Variants in PLA2G7 observed in about 807,000 individuals in gnomAD.
PLA2G7 encodes the protein phospholipase A2 group VII.
Under a neutral mutation model 49.6 loss-of-function variants are expected in PLA2G7, and 63 were observed. That is an observed-to-expected ratio of 1.27 (90% CI 1.04 to 1.57). PLA2G7 has a LOEUF of 1.57. Ranked by LOEUF, PLA2G7 falls within the 40% of genes most tolerant of loss-of-function variation. The pLI, the probability that PLA2G7 is intolerant of heterozygous loss-of-function variation, is 0.00. For synonymous variants in PLA2G7, 193 were observed against 169.9 expected, an observed-to-expected ratio of 1.14 and a Z score of -1.06; for missense variants, 596 against 521.2, an observed-to-expected ratio of 1.14 and a Z score of -1.40.
At chr6:46,714,653 A>G in intron 4 of PLA2G7, 100 bp from the exon 5 acceptor site, 2 of 775,858 alleles carry the variant, frequency 2.6e-6, no homozygotes, top group Middle Eastern at 2.3e-4. Context: ...CATCTGATTT[A>G]TATCTACTTT....
At chr6:46,733,157 T>C (rs1227601738) in intron 1 of PLA2G7, among the ~76,000 whole-genome samples, 1 of 152,220 alleles carries the variant, frequency 6.6e-6, no homozygotes, top group African/African-American at 2.4e-5. Context: ...TTTCTTAATG[T>C]TCTGTGCTGA....
At chr6:46,724,813 T>C (rs1266977700) in intron 1 of PLA2G7, among the ~76,000 whole-genome samples, 1 of 152,270 alleles carries the variant, frequency 6.6e-6, no homozygotes, top group African/African-American at 2.4e-5. Context: ...CTTTGCTGTG[T>C]TAAGCCACTG....
Position 46,717,216 on chromosome 6 carries a change from A to G in PLA2G7, c.110-120T>C, listed in dbSNP as rs1029873585. On this transcript the variant is annotated intron_variant, in intron 2 of 11. Transcript: ENST00000274793. ...AGTTTCTGGCCTTCTTTCTTTCTCA[A>G]CCTAACAAGTAAGATATGCAATTAT... 3 of 887,944 alleles carry G rather than the reference A, an allele frequency of 3.4e-6. No individual in the cohort carries two copies. The African/African-American group carries it at 4.9e-5, about 15-fold the overall frequency. 55.0% of individuals were successfully genotyped at this position (887,944 alleles called of 1,614,324 possible).
chr6:46,722,548 T>C (rs1034741827), intron 2 of PLA2G7, among the ~76,000 whole-genome samples: 3 of 152,180 alleles, frequency 2.0e-5, no homozygotes, highest in African/African-American at 7.2e-5. Flanking sequence ...TATCTTAAAA[T>C]GTCCCATCCT....
At chr6:46,731,811 GCAAT>G (rs1191470398) in intron 1 of PLA2G7, among the ~76,000 whole-genome samples, 2 of 152,140 alleles carry the variant, frequency 1.3e-5, no homozygotes, top group Non-Finnish European at 2.9e-5. Context: ...ACCAGGTATA[GCAAT>G]CTCATTCCCA....
intron 10 of PLA2G7, among the ~76,000 whole-genome samples, chr6:46,707,457 T>C (rs189175425): frequency 6.6e-6 from 1 of 152,298 alleles, no homozygotes; most frequent in East Asian, 1.9e-4. Flanking sequence ...GATTGGATCA[T>C]GGGAGCAGTT....
intron 4 of PLA2G7, among the ~76,000 whole-genome samples, chr6:46,715,997 G>A (rs1297767662): frequency 1.3e-5 from 2 of 152,332 alleles, no homozygotes; most frequent in East Asian, 3.9e-4. Flanking sequence ...TGGATCTGGA[G>A]AGTTTGATGG....
intron 2 of PLA2G7, among the ~76,000 whole-genome samples, chr6:46,717,957 C>T (rs762930250): frequency 1.2e-4 from 18 of 152,142 alleles, no homozygotes; most frequent in Non-Finnish European, 1.9e-4. Flanking sequence ...ACCTCGTGAT[C>T]CGCCCACCTC....
At chr6:46,710,729 A>T (rs1764988077) in intron 7 of PLA2G7, 71 bp from the exon 8 acceptor site, 1 of 1,227,106 alleles carries the variant, frequency 8.1e-7, no homozygotes, top group South Asian at 1.2e-5. Flanking sequence ...GTTTAGGTAG[A>T]AGCTGTATTT....
chr6:46,733,030 T>C lies in PLA2G7; in HGVS notation c.-35+2150A>G, dbSNP rs368716016. ...GAGTGTAAATAATCCAATATCCACC[T>C]TCCTTTCCAGGAAATAGCCATCTTC... On this transcript the variant is annotated intron_variant, in intron 1 of 11. Coordinates refer to ENST00000274793, the MANE Select transcript of PLA2G7 (RefSeq NM_005084.4). Among the ~76,000 whole-genome samples the C allele has an allele frequency of 6.6e-5, 10 of 152,294 alleles. No homozygotes were observed. In the East Asian group the frequency reaches 1.9e-3, roughly 29 times the overall value.
chr6:46,724,035 G>A (rs1765491963), intron 1 of PLA2G7, among the ~76,000 whole-genome samples: 1 of 152,028 alleles, frequency 6.6e-6, no homozygotes, highest in Non-Finnish European at 1.5e-5. Flanking sequence ...TCCCTTTTAT[G>A]GGAATGCTCT....
chr6:46,728,865 TG>T (rs1765648090), intron 1 of PLA2G7, among the ~76,000 whole-genome samples: 1 of 152,144 alleles, frequency 6.6e-6, no homozygotes, highest in South Asian at 2.1e-4. Context: ...AGTAATAAAG[TG>T]GTTTAGAAAT....
chr6:46,728,033 A>C (rs1765622647), intron 1 of PLA2G7, among the ~76,000 whole-genome samples: 1 of 152,258 alleles, frequency 6.6e-6, no homozygotes, highest in Non-Finnish European at 1.5e-5. Flanking sequence ...AATATGGAGC[A>C]TATAAAGTAA....
In PLA2G7 at chr6:46,714,442, C is replaced by A; in HGVS notation, c.470+18G>T. The A allele has an allele frequency of 6.6e-7, 1 of 1,514,376 alleles. No individual in the cohort carries two copies. Among genetic ancestry groups the A allele is most frequent in the Non-Finnish European group, 9.2e-7 (1 of 1,089,214 alleles). 93.8% of individuals were successfully genotyped at this position (1,514,376 alleles called of 1,614,324 possible). On this transcript the variant is annotated intron_variant, in intron 5 of 11. Transcript: ENST00000274793. ...TTTATTCCTGGAAGCCAAAATTGTT[C>A]AACCTCTCAAACATTACCTGAATGC...
At chr6:46,733,589 CAGTGCCCA>C (rs1765799750) in intron 1 of PLA2G7, among the ~76,000 whole-genome samples, 1 of 152,234 alleles carries the variant, frequency 6.6e-6, no homozygotes, top group African/African-American at 2.4e-5. Context: ...AAAGCACTTT[CAGTGCCCA>C]AGTGCAAGGA....
intron 1 of PLA2G7, among the ~76,000 whole-genome samples, chr6:46,725,802 C>T (rs528199292): frequency 1.2e-4 from 18 of 152,170 alleles, no homozygotes; most frequent in African/African-American, 3.1e-4. Context: ...TTTCTAGGCT[C>T]GAATACATGC....
At chr6:46,709,478 T>C (rs533644667) in intron 8 of PLA2G7, 60 bp from the exon 9 acceptor site, 2 of 927,214 alleles carry the variant, frequency 2.2e-6, no homozygotes, top group Non-Finnish European at 3.6e-6. Flanking sequence ...AGAAATGATT[T>C]TGTCAATCAT....
At chr6:46,725,697 T>C (rs1388833167) in intron 1 of PLA2G7, among the ~76,000 whole-genome samples, 2 of 152,216 alleles carry the variant, frequency 1.3e-5, no homozygotes, top group Non-Finnish European at 2.9e-5. Flanking sequence ...ATAAAGTTAA[T>C]ACATGATTTC....
intron 1 of PLA2G7, among the ~76,000 whole-genome samples, chr6:46,728,026 A>G (rs1034989370): frequency 6.6e-6 from 1 of 152,240 alleles, no homozygotes; most frequent in African/African-American, 2.4e-5. Flanking sequence ...GAAAACTAAT[A>G]TGGAGCATAT....
Sources: allele counts gnomAD v4.1 joint callset (sites outside exome capture counted in the v4.1 genomes callset), GRCh38; gene constraint gnomAD v4.1.1; transcripts MANE v1.5; gene names NCBI Gene and HGNC (gene_info 2026-07-23, HGNC 2026-07-21).